USO1: variants seen among roughly 807,000 people sequenced by gnomAD.
The protein encoded by USO1 is USO1 vesicle transport factor.
In USO1, 57 loss-of-function variants were observed where a neutral mutation model predicts 124.5. The observed-to-expected ratio is 0.46, with a 90% CI of 0.37 to 0.57. The LOEUF is 0.57. Among genes scored for constraint, USO1 ranks in the 20% least tolerant of loss-of-function variants. The pLI, the probability that USO1 is intolerant of heterozygous loss-of-function variation, is 0.00. For missense variants in USO1, 900 were observed against 1,040.6 expected (o/e 0.86, Z 1.86); for synonymous variants, 369 against 362.8 (o/e 1.02, Z -0.19).
intron 20 of USO1, among the ~76,000 whole-genome samples, chr4:75,808,140 T>G (rs1187254576): frequency 6.6e-6 from 1 of 152,210 alleles, no homozygotes; most frequent in South Asian, 2.1e-4. Context: ...AAATCACTCC[T>G]GCTGAGAGCC....
chr4:75,730,095 G>A (rs1720586382), intron 1 of USO1: 2 of 227,104 alleles, frequency 8.8e-6, no homozygotes, highest in South Asian at 9.8e-5. Flanking sequence ...GGAGAGAACT[G>A]TAATAATGAT....
At position 75,808,933 on chromosome 4, in the gene USO1, C is replaced by G; in HGVS notation, c.2377-20C>G. On this transcript the variant is annotated intron_variant, in intron 20 of 23. Coordinates refer to ENST00000514213, the MANE Select transcript of USO1 (RefSeq NM_003715.4). ...TTTAATACCATTTAATGTTATGACT[C>G]AACTATTTTTGTCTCTTAGGAACTG... is the stretch of plus-strand genomic sequence containing the variant. 1 of 1,573,212 alleles carries G rather than the reference C, an allele frequency of 6.4e-7. No homozygotes were observed. Among genetic ancestry groups the G allele is most frequent in the Non-Finnish European group, 8.6e-7 (1 of 1,160,588 alleles).
intron 14 of USO1, among the ~76,000 whole-genome samples, 200 bp downstream of exon 14, chr4:75,799,932 A>G (rs1334175077): frequency 7.3e-5 from 11 of 151,290 alleles, no homozygotes; most frequent in African/African-American, 1.7e-4. Flanking sequence ...GGGTTGGAAT[A>G]TATATATGAA....
Position 75,782,774 on chromosome 4 carries a change from A to G in USO1, c.771A>G (p.Gln257=). ...QNFFKEGSYI[Q]RMKPWFEVGD... is the part of the protein sequence containing the mutation. The stretch of plus-strand genomic sequence containing the variant: ...TTTTTAAAGAAGGCTCATATATTCA[A>G]CGTATGAAACCTTGGTTTGAAGTTG... The change falls in exon 9 of 24, where the codon CAA becomes CAG. Residue 257 remains glutamine (Q), a synonymous_variant. Coordinates refer to ENST00000514213, the MANE Select transcript of USO1 (RefSeq NM_003715.4). The G allele has an allele frequency of 6.3e-7, 1 of 1,599,032 alleles. No individual in the cohort carries two copies. Among genetic ancestry groups the G allele is most frequent in the Non-Finnish European group, 8.5e-7 (1 of 1,175,076 alleles).
intron 1 of USO1, among the ~76,000 whole-genome samples, chr4:75,732,957 T>C (rs1356637472): frequency 6.9e-6 from 1 of 145,188 alleles, no homozygotes; most frequent in Non-Finnish European, 1.5e-5. Context: ...GGTAAGGTTA[T>C]ATCATAAAAT....
chr4:75,743,199 A>G (rs374901903), intron 1 of USO1, among the ~76,000 whole-genome samples: 1 of 151,958 alleles, frequency 6.6e-6, no homozygotes. Context: ...GTTAGCCAGG[A>G]TGGTCACGAT....
intron 18 of USO1, chr4:75,804,930 C>T (rs1307483533): frequency 6.1e-6 from 3 of 492,852 alleles, no homozygotes; most frequent in Non-Finnish European, 1.0e-5. Context: ...GCAGTTTAGT[C>T]AAGGCTGTGC....
intron 8 of USO1, among the ~76,000 whole-genome samples, chr4:75,779,353 A>G (rs945704508): frequency 6.6e-6 from 1 of 152,254 alleles, no homozygotes; most frequent in Non-Finnish European, 1.5e-5. Context: ...GAAATGATTA[A>G]GCTTTCTCTG....
At chr4:75,763,022 A>AT (rs1334886084) in intron 4 of USO1, among the ~76,000 whole-genome samples, 2 of 152,226 alleles carry the variant, frequency 1.3e-5, no homozygotes, top group Non-Finnish European at 2.9e-5. Context: ...CTGAGGACTG[A>AT]TTTTATTAGG....
chr4:75,758,509 GAAT>G (rs1721505641), intron 4 of USO1, among the ~76,000 whole-genome samples: 3 of 152,136 alleles, frequency 2.0e-5, no homozygotes, highest in Non-Finnish European at 4.4e-5. Context: ...TAACTTCACA[GAAT>G]ACTAGTATTG....
chr4:75,809,150 C>T, intron 21 of USO1, 99 bp downstream of exon 21: 1 of 1,348,646 alleles, frequency 7.4e-7, no homozygotes, highest in Non-Finnish European at 9.7e-7. Flanking sequence ...TCAGATAGCA[C>T]CTTCTCTTTA....
At chr4:75,745,368 G>T (rs1314152468) in intron 1 of USO1, 1 of 519,410 alleles carries the variant, frequency 1.9e-6, no homozygotes, top group South Asian at 1.4e-5. Flanking sequence ...TGTGCAAGTG[G>T]AGCTATTCAC....
chr4:75,797,234 CT>C (rs200485204), intron 13 of USO1, among the ~76,000 whole-genome samples: 3 of 150,906 alleles, frequency 2.0e-5, no homozygotes, highest in East Asian at 1.9e-4. Flanking sequence ...TTTCTGGTTT[CT>C]TTTTTTTTCA....
intron 17 of USO1, among the ~76,000 whole-genome samples, chr4:75,801,808 A>G (rs1396612123): frequency 6.6e-6 from 1 of 152,168 alleles, no homozygotes; most frequent in African/African-American, 2.4e-5. Context: ...CTCACAATCT[A>G]CATTACTGAG....
At chr4:75,747,801 G>T (rs1721170611) in intron 1 of USO1, among the ~76,000 whole-genome samples, 1 of 149,664 alleles carries the variant, frequency 6.7e-6, no homozygotes, top group Non-Finnish European at 1.5e-5. Flanking sequence ...TTTTTTAGTA[G>T]AGATGGGGTT....
intron 20 of USO1, 51 bp from the exon 21 acceptor site, chr4:75,808,902 G>T: frequency 6.6e-7 from 1 of 1,512,128 alleles, no homozygotes; most frequent in East Asian, 2.5e-5. Context: ...ATATTTCCTT[G>T]ATGAATTTAA....
Position 75,794,200 on chromosome 4 carries a change from CTCTT to C in USO1, c.1452+304_1452+307del, listed in dbSNP as rs779897868. 3.8e-4 allele frequency among the ~76,000 whole-genome samples: 58 copies of C among 152,258 alleles called. No individual in the cohort carries two copies. The Middle Eastern group carries it at 0.02, about 54-fold the overall frequency. On this transcript the variant is annotated intron_variant, in intron 13 of 23. Transcript: ENST00000514213. ...CACAGTGTTCTTGCATGTCATTTTT[CTCTT>C]TCTTCTCAGTAACTGAATTCAGGTT...
rs375866579 is a variant in USO1 at position 75,762,164 on chromosome 4, C to CTT, written c.295+4615_295+4616dup. Among the ~76,000 whole-genome samples, 264 of 70,138 alleles carry CTT rather than the reference C, an allele frequency of 3.8e-3. 1 individual carries two copies. Among genetic ancestry groups the CTT allele is most frequent in the Middle Eastern group, 0.011 (1 of 92 alleles). 46.0% of individuals were successfully genotyped at this position (70,138 alleles called of 152,430 possible). A position where few individuals can be genotyped will look rare whatever the true frequency, so the allele number is the denominator to read the frequency against. The stretch of plus-strand genomic sequence containing the variant: ...CTGAGTAAGTAGAAGAACAATTTTA[C>CTT]TTTTTTTTTTTTTTTTTTTTTTTTT... On this transcript the variant is annotated intron_variant, in intron 4 of 23. Coordinates refer to ENST00000514213, the MANE Select transcript of USO1 (RefSeq NM_003715.4).
In USO1 at chr4:75,790,139, C is replaced by T. The variant is rs747034046; in HGVS notation, c.997-11C>T. ...TCTCTAAATGTTCTTTTTCTTTCTT[C>T]CCCTTAACAGACCATAAATACTGTA... On this transcript the variant is annotated splice_polypyrimidine_tract_variant and intron_variant, in intron 10 of 23. Transcript: ENST00000514213. The T allele has an allele frequency of 6.4e-7, 1 of 1,572,834 alleles. No individual in the cohort carries two copies. Among genetic ancestry groups the T allele is most frequent in the Non-Finnish European group, 8.6e-7 (1 of 1,160,168 alleles).
Sources: gnomAD v4.1 joint callset for allele counts (sites outside exome capture counted in the v4.1 genomes callset) on GRCh38, gnomAD v4.1.1 for gene constraint, MANE v1.5 for transcripts, NCBI Gene and HGNC (gene_info 2026-07-23, HGNC 2026-07-21) for gene names.